Variants in METTL9 observed in about 807,000 individuals in gnomAD.
The protein encoded by METTL9 is protein-L-histidine N-pros-methyltransferase.
METTL9 carries 10 observed loss-of-function variants against 36.0 expected under a neutral mutation model. The ratio of observed to expected loss-of-function variants is 0.28; its 90% CI spans 0.17 to 0.47. The LOEUF (loss-of-function observed/expected upper bound fraction) is 0.47. METTL9 is among the 20% of genes least tolerant of loss of function. The pLI is 0.99. For synonymous variants in METTL9, 175 were observed against 149.7 expected, an observed-to-expected ratio of 1.17 and a Z score of -1.23; for missense variants, 246 against 383.5, an observed-to-expected ratio of 0.64 and a Z score of 3.00.
rs1965048809 is a variant in METTL9 at position 21,599,675 on chromosome 16, T to TGCC, written c.-58_-56dup. On this transcript the variant is annotated 5_prime_UTR_variant, in exon 1 of 5. Coordinates refer to ENST00000358154, the MANE Select transcript of METTL9 (RefSeq NM_016025.5). This position sits in a 1 kb window ranked among gnomAD's most constrained non-coding sequence, Gnocchi z 4.4. ...TGGCGGCGGTGGCCGGAGGCGGCGG[T>TGCC]GCCTCCTCCTCCTCGCCCCGGCGCC... The TGCC allele has an allele frequency of 7.3e-7, 1 of 1,373,676 alleles. No homozygotes were observed. The highest frequency in any genetic ancestry group is 9.3e-7 in the Non-Finnish European group (1 of 1,071,418). The allele number at this position is 1,373,676 out of a possible 1,614,324, so 85.1% of individuals were successfully genotyped here. A position where few individuals can be genotyped will look rare whatever the true frequency, so the allele number is the denominator to read the frequency against.
chr16:21,646,519 A>G (rs558955743), intron 4 of METTL9: 48 of 162,336 alleles, frequency 3.0e-4, no homozygotes, highest in Non-Finnish European at 4.6e-4. Flanking sequence ...TTCCCTTTGG[A>G]CATGGTACTT....
intron 4 of METTL9, chr16:21,643,644 T>A: frequency 7.7e-7 from 1 of 1,299,988 alleles, no homozygotes; most frequent in Non-Finnish European, 1.1e-6. Context: ...TATGTACTCA[T>A]AACAATGGTG....
At chr16:21,620,200 T>C (rs958398698) in intron 3 of METTL9, among the ~76,000 whole-genome samples, 8 of 152,152 alleles carry the variant, frequency 5.3e-5, no homozygotes, top group Non-Finnish European at 7.4e-5. Flanking sequence ...TTTAAATTGC[T>C]GTTAGGGTTG....
chr16:21,599,475 C>G, upstream of METTL9: 2 of 1,178,140 alleles, frequency 1.7e-6, no homozygotes, highest in Non-Finnish European at 2.1e-6. This position sits in a 1 kb window ranked among gnomAD's most constrained non-coding sequence, Gnocchi z 4.4. Context: ...GAAAGCGACG[C>G]GGCCGCTCGT....
At chr16:21,621,700 C>G (rs534082829) in intron 3 of METTL9, among the ~76,000 whole-genome samples, 46 of 152,232 alleles carry the variant, frequency 3.0e-4, no homozygotes, top group Non-Finnish European at 5.6e-4. Flanking sequence ...CGCAAGTTGT[C>G]ATTGTTTATG....
In METTL9 at chr16:21,613,261, G is replaced by T. The variant is rs1179808024; in HGVS notation, c.356+426G>T. ...AGTGCAGTGGCAATCTGGGCTCACTGCAGCCTCCGCCTCCCGGGTTTAAGT... is the reference window on the plus strand; with the variant it reads ...AGTGCAGTGGCAATCTGGGCTCACTTCAGCCTCCGCCTCCCGGGTTTAAGT... On this transcript the variant is annotated intron_variant, in intron 2 of 4. Transcript: ENST00000358154. Among the ~76,000 whole-genome samples the T allele has an allele frequency of 4.2e-5, 6 of 144,174 alleles. No individual in the cohort carries two copies. In the Admixed American group the frequency reaches 4.3e-4, roughly 10 times the overall value. 94.6% of individuals were successfully genotyped at this position (144,174 alleles called of 152,430 possible).
intron 4 of METTL9, among the ~76,000 whole-genome samples, chr16:21,647,875 G>A (rs1184528661): frequency 2.0e-5 from 3 of 152,124 alleles, no homozygotes; most frequent in Non-Finnish European, 4.4e-5. Flanking sequence ...TTTCTTGTCC[G>A]CACCCTGGCC....
upstream of METTL9, chr16:21,599,547 G>T: frequency 7.8e-7 from 1 of 1,281,204 alleles, no homozygotes. The surrounding 1 kb of genome is among the most constrained non-coding windows in gnomAD (Gnocchi z 4.4). Context: ...AAGGGAAGGG[G>T]GAGGTGCCGA....
chr16:21,624,872 T>C, intron 3 of METTL9, 59 bp from the exon 4 acceptor site: 2 of 1,463,264 alleles, frequency 1.4e-6, no homozygotes, highest in Non-Finnish European at 9.5e-7. Flanking sequence ...ATCTCAGTTA[T>C]TTTTAAAGAT....
intron 4 of METTL9, chr16:21,654,652 G>A: frequency 6.5e-6 from 1 of 153,500 alleles, no homozygotes; most frequent in Non-Finnish European, 1.5e-5. Context: ...TTCTGAAAAG[G>A]CAAAGAATGA....
In METTL9 at chr16:21,618,131, T is replaced by C. The variant is rs1965599741; in HGVS notation, c.566+57T>C. On this transcript the variant is annotated intron_variant, in intron 3 of 4. Coordinates refer to ENST00000358154, the MANE Select transcript of METTL9 (RefSeq NM_016025.5). ...TCTTGAAAGTATATTATTTAAAGGA[T>C]ATGAATAAAAAATGATCTTCCATGA... The C allele has an allele frequency of 8.0e-6, 10 of 1,247,436 alleles. No individual in the cohort carries two copies. In the South Asian group the frequency reaches 1.4e-4, roughly 18 times the overall value. The allele number at this position is 1,247,436 out of a possible 1,614,324, so 77.3% of individuals were successfully genotyped here.
At chr16:21,641,606 A>G (rs764539827) in intron 4 of METTL9, 1 of 1,526,084 alleles carries the variant, frequency 6.6e-7, no homozygotes, top group South Asian at 1.1e-5. Context: ...GCAATAATAA[A>G]TAAATAGAAA....
chr16:21,613,846 TTC>T, intron 2 of METTL9, among the ~76,000 whole-genome samples: 1 of 151,630 alleles, frequency 6.6e-6, no homozygotes. Flanking sequence ...TTTTTTTTTT[TTC>T]AATCCTTTCT....
At chr16:21,648,749 T>G (rs1966492313) in intron 4 of METTL9, among the ~76,000 whole-genome samples, 1 of 152,150 alleles carries the variant, frequency 6.6e-6, no homozygotes, top group African/African-American at 2.4e-5. Context: ...TTTGTCAAGT[T>G]TTTGGTCTGA....
chr16:21,632,391 A>G (rs1965985521), intron 4 of METTL9, among the ~76,000 whole-genome samples: 1 of 152,208 alleles, frequency 6.6e-6, no homozygotes, highest in South Asian at 2.1e-4. Flanking sequence ...ATCATGAACT[A>G]TGGCATAATC....
At chr16:21,639,749 A>T (rs377465939) in intron 4 of METTL9, 2 of 152,226 alleles carry the variant, frequency 1.3e-5, no homozygotes, top group Non-Finnish European at 2.9e-5. Flanking sequence ...ATGAGGTTCC[A>T]TGCTGCCTCC....
intron 1 of METTL9, among the ~76,000 whole-genome samples, chr16:21,606,976 G>T (rs898626270): frequency 1.3e-5 from 2 of 152,064 alleles, no homozygotes; most frequent in African/African-American, 4.8e-5. Flanking sequence ...GGTCTGATTA[G>T]CAAATCTAAT....
intron 4 of METTL9, among the ~76,000 whole-genome samples, chr16:21,649,156 C>A (rs1226709366): frequency 6.6e-6 from 1 of 151,706 alleles, no homozygotes; most frequent in African/African-American, 2.4e-5. Context: ...CTGTGCCCAG[C>A]TAATTTTTGT....
intron 4 of METTL9, among the ~76,000 whole-genome samples, chr16:21,642,628 T>G (rs1966302001): frequency 6.6e-6 from 1 of 152,230 alleles, no homozygotes; most frequent in Admixed American, 6.5e-5. Context: ...AATACTTGTT[T>G]TTTAATATCA....
Sources: allele counts gnomAD v4.1 joint callset (sites outside exome capture counted in the v4.1 genomes callset), GRCh38; gene constraint gnomAD v4.1.1; non-coding constraint Gnocchi (gnomAD v3.1); transcripts MANE v1.5; gene names NCBI Gene and HGNC (gene_info 2026-07-23, HGNC 2026-07-21).